POFUT1: variants seen among roughly 807,000 people sequenced by gnomAD.
POFUT1 encodes protein O-fucosyltransferase 1, also known as GDP-fucose protein O-fucosyltransferase 1.
In POFUT1, 16 loss-of-function variants were observed where a neutral mutation model predicts 42.4. The ratio of observed to expected loss-of-function variants is 0.38; its 90% CI spans 0.26 to 0.57. POFUT1 has a LOEUF of 0.57. Among genes scored for constraint, POFUT1 ranks in the 20% least tolerant of loss-of-function variants. POFUT1 has a pLI of 0.71. For synonymous variants in POFUT1, 206 were observed against 205.4 expected, an observed-to-expected ratio of 1.00 and a Z score of -0.03; for missense variants, 470 against 504.6, an observed-to-expected ratio of 0.93 and a Z score of 0.66.
intron 4 of POFUT1, 147 bp downstream of exon 4, chr20:32,216,868 T>C (rs1448243795): frequency 1.3e-6 from 2 of 1,484,904 alleles, no homozygotes; most frequent in African/African-American, 1.4e-5. Context: ...CTTGGAATCC[T>C]GTGTGATCTG....
intron 6 of POFUT1, among the ~76,000 whole-genome samples, chr20:32,233,448 C>T (rs573025669): frequency 1.3e-5 from 2 of 152,250 alleles, no homozygotes; most frequent in East Asian, 1.9e-4. Flanking sequence ...TAAGAAGAGG[C>T]CCAGCGAGGA....
At chr20:32,219,718 C>T (rs1035833519) in intron 4 of POFUT1, among the ~76,000 whole-genome samples, 2 of 151,886 alleles carry the variant, frequency 1.3e-5, no homozygotes. Context: ...AGGATGGTCT[C>T]GATCTCTTGC....
At chr20:32,215,037 G>A (rs539453514) in intron 2 of POFUT1, among the ~76,000 whole-genome samples, 2 of 152,064 alleles carry the variant, frequency 1.3e-5, no homozygotes, top group African/African-American at 2.4e-5. Flanking sequence ...ACAGGTGCTC[G>A]CTACCACCCC....
At position 32,237,480 on chromosome 20, in the gene POFUT1, G is replaced by A. The variant is rs1210479589; in HGVS notation, c.*2819G>A. ...ACATTCCTGGCAGAGAAAACAGCACGTGCAAAGGCCCCGAGACTGGAGTGT... is the reference window on the plus strand; with the variant it reads ...ACATTCCTGGCAGAGAAAACAGCACATGCAAAGGCCCCGAGACTGGAGTGT... On this transcript the variant is annotated 3_prime_UTR_variant, in exon 7 of 7. Coordinates refer to ENST00000375749, the MANE Select transcript of POFUT1 (RefSeq NM_015352.2). 9.9e-6 allele frequency: 2 copies of A among 203,038 alleles called. No homozygotes were observed. The highest frequency in any genetic ancestry group is 1.1e-4 in the East Asian group (1 of 9,020). 12.6% of individuals were successfully genotyped at this position (203,038 alleles called of 1,614,324 possible).
intron 4 of POFUT1, chr20:32,217,170 G>C: frequency 6.7e-7 from 1 of 1,497,788 alleles, no homozygotes; most frequent in Non-Finnish European, 8.9e-7. Context: ...AAAAAATATA[G>C]GTTAGCAGGA....
At chr20:32,208,197 TCTC>T (rs1423074758) in intron 1 of POFUT1, 132 bp downstream of exon 1, 26 of 913,680 alleles carry the variant, frequency 2.8e-5, no homozygotes, top group Admixed American at 2.8e-4. Flanking sequence ...GGCATGCTCT[TCTC>T]CTCTCTGCCT....
Position 32,234,592 on chromosome 20 carries a change from G to A in POFUT1, c.1098G>A (p.Arg366=). The change falls in exon 7 of 7, where the codon CGG becomes CGA. Residue 366 remains arginine (R), a synonymous_variant. Coordinates refer to ENST00000375749, the MANE Select transcript of POFUT1 (RefSeq NM_015352.2). ...TCACTGCCTTTGTGAAGCGGGAGCG[G>A]GACCTCCAGGGGAGGCCGTCTTCTT... ...SSFTAFVKRE[R]DLQGRPSSFF... 6.2e-7 allele frequency: 1 copy of A among 1,614,164 alleles called. No individual in the cohort carries two copies. The highest frequency in any genetic ancestry group is 1.1e-5 in the South Asian group (1 of 91,086).
In POFUT1 at chr20:32,227,975, A is replaced by C. The variant is rs528912925; in HGVS notation, c.543-288A>C. ...ACCGCAGATTGGAAGCCAGTGTGACATATAAAAGGTTGGAATGCTCTCCTG... is the reference window on the plus strand; with the variant it reads ...ACCGCAGATTGGAAGCCAGTGTGACCTATAAAAGGTTGGAATGCTCTCCTG... On this transcript the variant is annotated intron_variant, in intron 4 of 6. Coordinates refer to ENST00000375749, the MANE Select transcript of POFUT1 (RefSeq NM_015352.2). Among the ~76,000 whole-genome samples the C allele has an allele frequency of 3.3e-5, 5 of 152,250 alleles. No individual in the cohort carries two copies. In the South Asian group the frequency reaches 1.0e-3, roughly 32 times the overall value.
intron 6 of POFUT1, 33 bp from the exon 7 acceptor site, chr20:32,234,440 C>T (rs563023936): frequency 1.9e-6 from 3 of 1,557,154 alleles, no homozygotes; most frequent in Admixed American, 1.9e-5. Context: ...CTGTAGCCAC[C>T]CCAGCTTATA....
At chr20:32,216,835 G>A in intron 4 of POFUT1, 114 bp downstream of exon 4, 1 of 1,390,412 alleles carries the variant, frequency 7.2e-7, no homozygotes, top group South Asian at 1.3e-5. Context: ...GAGACCAAAG[G>A]TGCAGGTGCT....
intron 4 of POFUT1, chr20:32,216,963 A>G: frequency 6.2e-7 from 1 of 1,609,146 alleles, no homozygotes; most frequent in Non-Finnish European, 8.5e-7. Context: ...GGATGTCATA[A>G]AAAGAACATT....
chr20:32,215,518 C>A, intron 3 of POFUT1, 67 bp downstream of exon 3: 1 of 1,339,262 alleles, frequency 7.5e-7, no homozygotes, highest in South Asian at 1.4e-5. Flanking sequence ...AAGACTATGT[C>A]ATGGCAAAAT....
rs900494393 is a variant in POFUT1 at position 32,217,540 on chromosome 20, A to G, written c.542+819A>G. 8 of 982,058 alleles carry G rather than the reference A, an allele frequency of 8.1e-6. No individual in the cohort carries two copies. In the African/African-American group the frequency reaches 1.1e-4, roughly 13 times the overall value. 60.8% of individuals were successfully genotyped at this position (982,058 alleles called of 1,614,324 possible). On this transcript the variant is annotated intron_variant, in intron 4 of 6. Transcript: ENST00000375749. ...GGTGGGTGGATCACTTGAGCCTAAGAGATCAAGGCTGCAGTGAGCCATGAT... is the reference window on the plus strand; with the variant it reads ...GGTGGGTGGATCACTTGAGCCTAAGGGATCAAGGCTGCAGTGAGCCATGAT...
chr20:32,217,295 C>T, intron 4 of POFUT1: 1 of 1,354,262 alleles, frequency 7.4e-7, no homozygotes, highest in South Asian at 1.8e-5. Flanking sequence ...TTTCTAGGAG[C>T]TATGGTCTCA....
At position 32,228,410 on chromosome 20, in the gene POFUT1, T is replaced by C; in HGVS notation, c.690T>C (p.Leu230=). 6 of 1,614,194 alleles carry C rather than the reference T, an allele frequency of 3.7e-6. No homozygotes were observed. The highest frequency in any genetic ancestry group is 5.1e-6 in the Non-Finnish European group (6 of 1,180,010). ...KTGEAQIHAH[L]VRPYVGIHLR... is the part of the protein sequence containing the mutation. ...GAGAGGCCCAGATTCATGCCCACCT[T>C]GTCCGGCCCTATGTGGGCATTCATC... is the stretch of plus-strand genomic sequence containing the variant. Residue 230 remains leucine (L), a synonymous_variant, in exon 5 of 7, where the codon CTT becomes CTC. Transcript: ENST00000375749.
At position 32,210,193 on chromosome 20, in the gene POFUT1, G is replaced by A. The variant is rs553681367; in HGVS notation, c.246+1G>A. ...GCATCACAAGCCTCCTTTCACCAAC[G>A]TGAGTACTTCCCACTGACCTTGGCC... On this transcript the variant is annotated splice_donor_variant, in intron 2 of 6. Coordinates refer to ENST00000375749, the MANE Select transcript of POFUT1 (RefSeq NM_015352.2). LOFTEE classifies it high-confidence loss of function. 2.5e-6 allele frequency: 4 copies of A among 1,614,094 alleles called. No individual in the cohort carries two copies. Among genetic ancestry groups the A allele is most frequent in the Admixed American group, 1.7e-5 (1 of 60,008 alleles).
At chr20:32,223,607 T>G in intron 4 of POFUT1, 2 of 985,434 alleles carry the variant, frequency 2.0e-6, no homozygotes, top group Non-Finnish European at 2.4e-6. Context: ...TCTGAAAGAT[T>G]AGCTGAAGAC....
chr20:32,220,830 C>G (rs890712976), intron 4 of POFUT1, among the ~76,000 whole-genome samples: 25 of 152,066 alleles, frequency 1.6e-4, no homozygotes, highest in African/African-American at 5.3e-4. Flanking sequence ...GGGAGCCAAG[C>G]TGGGGCCACC....
Position 32,231,072 on chromosome 20 carries a change from G to C in POFUT1, c.978+11G>C, listed in dbSNP as rs1555891434. 6.2e-7 allele frequency: 1 copy of C among 1,613,874 alleles called. No homozygotes were observed. The highest frequency in any genetic ancestry group is 8.5e-7 in the Non-Finnish European group (1 of 1,179,984). On this transcript the variant is annotated intron_variant, in intron 6 of 6. Transcript: ENST00000375749. ...CTCTTCAAAGGGAAGGTATGTGTGG[G>C]CCAAGTGGGAGTGCAGTAGGAAGGG... is the stretch of plus-strand genomic sequence containing the variant.
Sources: gnomAD v4.1 joint callset for allele counts (sites outside exome capture counted in the v4.1 genomes callset) on GRCh38, gnomAD v4.1.1 for gene constraint, MANE v1.5 for transcripts, NCBI Gene and HGNC (gene_info 2026-07-23, HGNC 2026-07-21) for gene names.